The following GAL3ST3 variants were observed in gnomAD, a reference collection of about 807,000 sequenced individuals.
GAL3ST3 encodes beta-galactose-3-O-sulfotransferase 3.
GAL3ST3 carries 21 observed loss-of-function variants against 20.8 expected under a neutral mutation model. The observed-to-expected ratio is 1.01, with a 90% CI of 0.72 to 1.45. The LOEUF is 1.45. GAL3ST3 is among the 40% of genes most tolerant of loss of function. The pLI is 0.00. For synonymous variants in GAL3ST3, 355 were observed against 307.2 expected (o/e 1.16, Z -1.63); for missense variants, 739 against 662.7 (o/e 1.12, Z -1.26).
rs1243341307 is a variant in GAL3ST3, at chr11:66,041,287, C to T, written c.*1220G>A. Reference sequence around the variant, plus strand: ...GCTGGCACACCGTAGACCATAATAGCTATTGTTTTTTATCACTTGTCCAGA... The same window carrying T: ...GCTGGCACACCGTAGACCATAATAGTTATTGTTTTTTATCACTTGTCCAGA... On this transcript the variant is annotated 3_prime_UTR_variant, in exon 3 of 3. Transcript: ENST00000312006. Among the ~76,000 whole-genome samples the T allele has an allele frequency of 6.6e-6, 1 of 152,184 alleles. No homozygotes were observed. Among genetic ancestry groups the T allele is most frequent in the Non-Finnish European group, 1.5e-5 (1 of 68,038 alleles).
Position 66,041,608 on chromosome 11 carries a change from T to C in GAL3ST3, c.*899A>G, listed in dbSNP as rs951694195. Among the ~76,000 whole-genome samples the C allele has an allele frequency of 6.6e-6, 1 of 152,226 alleles. No homozygotes were observed. Among genetic ancestry groups the C allele is most frequent in the African/African-American group, 2.4e-5 (1 of 41,466 alleles). On this transcript the variant is annotated 3_prime_UTR_variant, in exon 3 of 3. Transcript: ENST00000312006. ...AACCCCTCCAGTCCTTCCTCTTTGC[T>C]TACCTGTCTTGCTCCTGTTCCAATG...
chr11:66,047,690 C>G (rs1276451362), intron 1 of GAL3ST3, among the ~76,000 whole-genome samples: 1 of 152,230 alleles, frequency 6.6e-6, no homozygotes, highest in Non-Finnish European at 1.5e-5. Context: ...CATTTCTGAG[C>G]AACTTACAGC....
chr11:66,043,058 C>T lies in GAL3ST3; in HGVS notation c.745G>A (p.Val249Met), dbSNP rs1856734231. Residue 249 changes from valine (V) to methionine (M), a missense_variant, in exon 3 of 3, where the codon GTG (valine) becomes ATG (methionine). Transcript: ENST00000312006. ...MIAEYFDESL[V>M]LLRRLLAWDL... is the part of the protein sequence containing the mutation. ...CAGGCCAGTAGGCGCCGCAGCAGCA[C>T]TAGCGACTCGTCGAAGTACTCGGCG... is the stretch of plus-strand genomic sequence containing the variant. The T allele has an allele frequency of 1.2e-6, 2 of 1,611,394 alleles. No homozygotes were observed. The highest frequency in any genetic ancestry group is 1.3e-5 in the African/African-American group (1 of 74,864).
intron 2 of GAL3ST3, among the ~76,000 whole-genome samples, chr11:66,044,823 G>A (rs558425600): frequency 6.6e-6 from 1 of 152,338 alleles, no homozygotes; most frequent in East Asian, 1.9e-4. Context: ...AGAAAATGGG[G>A]ACATGAAGTC....
chr11:66,042,505 G>C lies in GAL3ST3; in HGVS notation c.*2C>G. The C allele has an allele frequency of 9.5e-6, 14 of 1,473,154 alleles. No individual in the cohort carries two copies. The highest frequency in any genetic ancestry group is 1.2e-5 in the Non-Finnish European group (13 of 1,119,660). 91.3% of individuals were successfully genotyped at this position (1,473,154 alleles called of 1,614,324 possible). On this transcript the variant is annotated 3_prime_UTR_variant, in exon 3 of 3. Coordinates refer to ENST00000312006, the MANE Select transcript of GAL3ST3 (RefSeq NM_033036.3). ...ACCCATACTCCTGGAGGCCTGCGGA[G>C]CTCAGGGACCTTGAGGGCCGCGAGG...
Position 66,043,122 on chromosome 11 carries a change from G to GAGGCCCGCCAGGT in GAL3ST3, c.668_680dup (p.Ile228ProfsTer145). The GAGGCCCGCCAGGT allele has an allele frequency of 3.7e-6, 6 of 1,611,850 alleles. No individual in the cohort carries two copies. The highest frequency in any genetic ancestry group is 5.1e-6 in the Non-Finnish European group (6 of 1,179,360). On this transcript the variant is annotated frameshift_variant, in exon 3 of 3. Coordinates refer to ENST00000312006, the MANE Select transcript of GAL3ST3 (RefSeq NM_033036.3). LOFTEE classifies it high-confidence loss of function. The stretch of plus-strand genomic sequence containing the variant: ...AGAAAACCTCCTCCACCTGGCGGAT[G>GAGGCCCGCCAGGT]AGGCCCGCCAGGTAGGCGGCGTCGT...
Position 66,040,873 on chromosome 11 carries a change from TACAA to T in GAL3ST3, c.*1630_*1633del, listed in dbSNP as rs1856694960. On this transcript the variant is annotated 3_prime_UTR_variant, in exon 3 of 3. Coordinates refer to ENST00000312006, the MANE Select transcript of GAL3ST3 (RefSeq NM_033036.3). ...TCTGCTGGTAAAAAGTGGGGTGCCA[TACAA>T]ACAGTCCCTTTTCAAGCCCAGCGTG... Among the ~76,000 whole-genome samples the T allele has an allele frequency of 6.6e-6, 1 of 152,202 alleles. No individual in the cohort carries two copies.
At position 66,041,864 on chromosome 11, in the gene GAL3ST3, C is replaced by A. The variant is rs1251189388; in HGVS notation, c.*643G>T. On this transcript the variant is annotated 3_prime_UTR_variant, in exon 3 of 3. Transcript: ENST00000312006. ...GGGGACCTTGAGTCCAGGCCCCCAT[C>A]CTCATGGGTCCAGCCACAGCTCCTC... 2 of 152,262 alleles carry A rather than the reference C, an allele frequency of 1.3e-5. No homozygotes were observed. The highest frequency in any genetic ancestry group is 2.9e-5 in the Non-Finnish European group (2 of 68,082). The allele number at this position is 152,262 out of a possible 1,614,324, so 9.4% of individuals were successfully genotyped here. A position where few individuals can be genotyped will look rare whatever the true frequency, so the allele number is the denominator to read the frequency against.
Position 66,042,682 on chromosome 11 carries a change from GCGC to G in GAL3ST3, c.1118_1120del (p.Gly373del). The stretch of plus-strand genomic sequence containing the variant: ...GAGGCAGGCCTCGGTGGCCGGGCCG[GCGC>G]CGCCGCCGGGCAGGTCATAGCCCAT... On this transcript the variant is annotated inframe_deletion, in exon 3 of 3. Coordinates refer to ENST00000312006, the MANE Select transcript of GAL3ST3 (RefSeq NM_033036.3). 1 of 1,534,226 alleles carries G rather than the reference GCGC, an allele frequency of 6.5e-7. No individual in the cohort carries two copies. The highest frequency in any genetic ancestry group is 8.7e-7 in the Non-Finnish European group (1 of 1,145,866).
intron 2 of GAL3ST3, among the ~76,000 whole-genome samples, chr11:66,044,362 A>G (rs556341427): frequency 6.6e-6 from 1 of 152,368 alleles, no homozygotes; most frequent in Non-Finnish European, 1.5e-5. Flanking sequence ...GTAGAAATAA[A>G]TAAGGGACAA....
chr11:66,048,182 C>G (rs1049313080), intron 1 of GAL3ST3, among the ~76,000 whole-genome samples: 3 of 152,166 alleles, frequency 2.0e-5, no homozygotes, highest in Non-Finnish European at 2.9e-5. Flanking sequence ...AGAGAGTTCT[C>G]CCAGCTATCC....
rs1442301084 is a variant in GAL3ST3, at chr11:66,045,366, C to T, written c.50G>A (p.Arg17His). 8 of 1,607,032 alleles carry T rather than the reference C, an allele frequency of 5.0e-6. No homozygotes were observed. The highest frequency in any genetic ancestry group is 4.2e-6 in the Non-Finnish European group (5 of 1,176,516). ...TAGCACCAGCAGCAGGATTTTCCGG[C>T]GGCTCATCATCTTGGTGGCCTGCTG... ...RLQQATKMMS[R>H]RKILLLVLGC... Residue 17 changes from arginine to histidine, a missense_variant, in exon 2 of 3, where the codon CGC (arginine) becomes CAC (histidine). By Grantham distance (29) the Arg-to-His change is conservative. Coordinates refer to ENST00000312006, the MANE Select transcript of GAL3ST3 (RefSeq NM_033036.3).
rs1438527808 is a variant in GAL3ST3, at chr11:66,042,569, C to G, written c.1234G>C (p.Val412Leu). ...RGGARARPEP[V>L]LDNPPPRPIR... Reference sequence around the variant, plus strand: ...GGCCGAGGCGGGGGATTGTCCAGGACGGGCTCGGGCCGAGCCCGCGCACCG... The same window carrying G: ...GGCCGAGGCGGGGGATTGTCCAGGAGGGGCTCGGGCCGAGCCCGCGCACCG... The change falls in exon 3 of 3, where the codon GTC (valine) becomes CTC (leucine). Residue 412 changes from valine to leucine, a missense_variant. Transcript: ENST00000312006. 3 of 1,518,970 alleles carry G rather than the reference C, an allele frequency of 2.0e-6. No homozygotes were observed. The highest frequency in any genetic ancestry group is 1.4e-5 in the African/African-American group (1 of 71,958). 94.1% of individuals were successfully genotyped at this position (1,518,970 alleles called of 1,614,324 possible). A position where few individuals can be genotyped will look rare whatever the true frequency, so the allele number is the denominator to read the frequency against.
In GAL3ST3 at chr11:66,043,520, C is replaced by T. The variant is rs778623922; in HGVS notation, c.283G>A (p.Ala95Thr). The change falls in exon 3 of 3, where the codon GCC becomes ACC. Residue 95 changes from alanine (A) to threonine (T), a missense_variant. By Grantham distance (58) the Ala-to-Thr change is moderately conservative. Coordinates refer to ENST00000312006, the MANE Select transcript of GAL3ST3 (RefSeq NM_033036.3). ...TGCTCGCAGCTCGGGTGCGGCAGGG[C>T]CACCGTCAGGTTGTGGCGCTCGGCA... ...RFAERHNLTVALPHPSCEHQF... is the reference protein window; with the variant it reads ...RFAERHNLTVTLPHPSCEHQF... The T allele has an allele frequency of 6.2e-7, 1 of 1,607,790 alleles. No homozygotes were observed. The highest frequency in any genetic ancestry group is 8.5e-7 in the Non-Finnish European group (1 of 1,179,018).
Position 66,049,070 on chromosome 11 carries a change from C to T in GAL3ST3, c.-172G>A, listed in dbSNP as rs1217150429. ...GGGGGCGGCCGCCGCTATCTCTGGA[C>T]CCTTGTCTCGAAATCCGCACGGGGT... On this transcript the variant is annotated 5_prime_UTR_variant, in exon 1 of 3. Coordinates refer to ENST00000312006, the MANE Select transcript of GAL3ST3 (RefSeq NM_033036.3). 6.6e-6 allele frequency: 1 copy of T among 152,618 alleles called. No homozygotes were observed. The highest frequency in any genetic ancestry group is 1.5e-5 in the Non-Finnish European group (1 of 68,396). The allele number at this position is 152,618 out of a possible 1,614,324, so 9.5% of individuals were successfully genotyped here. A position where few individuals can be genotyped will look rare whatever the true frequency, so the allele number is the denominator to read the frequency against.
rs777495423 is a variant in GAL3ST3, at chr11:66,043,581, C to T, written c.222G>A (p.Thr74=). The T allele has an allele frequency of 5.0e-6, 8 of 1,612,706 alleles. No homozygotes were observed. The highest frequency in any genetic ancestry group is 2.7e-5 in the African/African-American group (2 of 75,056). The part of the protein sequence containing the change: ...MTVAFLKTHK[T]AGTTVQNILF... The stretch of plus-strand genomic sequence containing the variant: ...GGATGTTCTGCACCGTCGTGCCTGC[C>T]GTCTTGTGAGTCTTCAGGAAGGCCA... Residue 74 remains threonine (T), a synonymous_variant, in exon 3 of 3, where the codon ACG becomes ACA. Transcript: ENST00000312006.
chr11:66,047,350 C>T (rs1328809312), intron 1 of GAL3ST3, among the ~76,000 whole-genome samples: 4 of 152,188 alleles, frequency 2.6e-5, no homozygotes, highest in Non-Finnish European at 5.9e-5. Context: ...AGAAACCACC[C>T]TATTTCTCAG....
Position 66,043,657 on chromosome 11 carries a change from A to G in GAL3ST3, c.146T>C (p.Leu49Ser). 1 of 1,606,826 alleles carries G rather than the reference A, an allele frequency of 6.2e-7. No individual in the cohort carries two copies. The highest frequency in any genetic ancestry group is 1.1e-5 in the South Asian group (1 of 90,788). ...QLSWYPKLFP[L>S]SCPPLRNSPP... ...CGAGTTCCGCAGAGGAGGGCAGCTCAAGGGGAACAGCTTGGGGTACCTGCC... is the reference window on the plus strand; with the variant it reads ...CGAGTTCCGCAGAGGAGGGCAGCTCGAGGGGAACAGCTTGGGGTACCTGCC... Residue 49 changes from leucine (L) to serine (S), a missense_variant, in exon 3 of 3, where the codon TTG becomes TCG. Coordinates refer to ENST00000312006, the MANE Select transcript of GAL3ST3 (RefSeq NM_033036.3).
chr11:66,043,883 C>T (rs1856752939), intron 2 of GAL3ST3, among the ~76,000 whole-genome samples: 1 of 152,130 alleles, frequency 6.6e-6, no homozygotes. Context: ...TTGAGTATTC[C>T]CCTCACCTGA....
Sources: gnomAD v4.1 joint callset for allele counts (sites outside exome capture counted in the v4.1 genomes callset) on GRCh38, gnomAD v4.1.1 for gene constraint, MANE v1.5 for transcripts, NCBI Gene and HGNC (gene_info 2026-07-23, HGNC 2026-07-21) for gene names.